The following SV2B variants were observed in gnomAD, a reference collection of about 807,000 sequenced individuals.
The protein encoded by SV2B is synaptic vesicle glycoprotein 2B, also known as solute carrier family 22 member B2.
SV2B carries 41 observed loss-of-function variants against 73.9 expected under a neutral mutation model. That is an observed-to-expected ratio of 0.56 (90% confidence interval 0.43 to 0.72). The LOEUF (loss-of-function observed/expected upper bound fraction) is 0.72. Ranked by LOEUF, SV2B falls within the 30% of genes least tolerant of loss-of-function variation. SV2B has a pLI of 0.00. For missense variants in SV2B, 764 were observed against 857.8 expected (o/e 0.89, Z 1.37); for synonymous variants, 314 against 314.2 (o/e 1.00, Z 0.01).
intron 4 of SV2B, among the ~76,000 whole-genome samples, chr15:91,255,024 A>G (rs1481426990): frequency 6.6e-6 from 1 of 152,170 alleles, no homozygotes; most frequent in African/African-American, 2.4e-5. Flanking sequence ...TTCCTTCCCC[A>G]TCCCTGGAGC....
In SV2B at chr15:91,289,672, C is replaced by A. The variant is rs777241371; in HGVS notation, c.1860C>A (p.Thr620=). 1.1e-5 allele frequency: 17 copies of A among 1,612,566 alleles called. No individual in the cohort carries two copies. The highest frequency in any genetic ancestry group is 1.4e-5 in the Non-Finnish European group (17 of 1,179,606). Residue 620 remains threonine (T), a synonymous_variant, in exon 12 of 13, where the codon ACC becomes ACA. Coordinates refer to ENST00000394232, the MANE Select transcript of SV2B (RefSeq NM_001323032.3). The surrounding 1 kb of genome is among the most constrained non-coding windows in gnomAD (Gnocchi z 4.9). ...LDVITVELYP[T]NQRATAFGIL... ...TGATCACAGTGGAGCTGTATCCCAC[C>A]AACCAGAGGTCAGTTCTTCCCCAGG...
intron 1 of SV2B, among the ~76,000 whole-genome samples, chr15:91,189,347 A>G (rs1447790149): frequency 6.6e-6 from 1 of 152,084 alleles, no homozygotes; most frequent in African/African-American, 2.4e-5. Flanking sequence ...ACTTATGTAT[A>G]CTCATAAAAT....
rs2046614273 is a variant in SV2B, at chr15:91,232,442, C to T, written c.451+5728C>T. Among the ~76,000 whole-genome samples, 2 of 152,126 alleles carry T rather than the reference C, an allele frequency of 1.3e-5. No homozygotes were observed. The highest frequency in any genetic ancestry group is 4.1e-4 in the South Asian group (2 of 4,822). ...GTGTTTAGGAGTGTGGAGTTGATTCCACCGGCAATGGAGAGCTGTTTAATG... is the reference window on the plus strand; with the variant it reads ...GTGTTTAGGAGTGTGGAGTTGATTCTACCGGCAATGGAGAGCTGTTTAATG... On this transcript the variant is annotated intron_variant, in intron 2 of 12. Transcript: ENST00000394232. This position sits in a 1 kb window ranked among gnomAD's most constrained non-coding sequence, Gnocchi z 4.7.
rs143566036 is a variant in SV2B, at chr15:91,236,895, G to T, written c.451+10181G>T. On this transcript the variant is annotated intron_variant, in intron 2 of 12. Transcript: ENST00000394232. This position sits in a 1 kb window ranked among gnomAD's most constrained non-coding sequence, Gnocchi z 4.1. Reference sequence around the variant, plus strand: ...TGAGCATCTCTCTCTATCTCCATACGATCTTTAAATGTGATCTTTCCAACA... The same window carrying T: ...TGAGCATCTCTCTCTATCTCCATACTATCTTTAAATGTGATCTTTCCAACA... 6.6e-6 allele frequency among the ~76,000 whole-genome samples: 1 copy of T among 151,910 alleles called. No homozygotes were observed. Among genetic ancestry groups the T allele is most frequent in the East Asian group, 1.9e-4 (1 of 5,170 alleles).
Position 91,293,143 on chromosome 15 carries a change from A to G in SV2B, c.*591A>G, listed in dbSNP as rs16945529. ...ATCTATAGAGATCTACTTTTCTCCT[A>G]TGTCTCCTAGGCTTTCCATGATAAT... On this transcript the variant is annotated 3_prime_UTR_variant, in exon 13 of 13. Transcript: ENST00000394232. 0.11 allele frequency: 16,065 copies of G among 152,272 alleles called. 1,125 individuals carry two copies. The highest frequency in any genetic ancestry group is 0.19 in the African/African-American group (8,086 of 41,506). 9.4% of individuals were successfully genotyped at this position (152,272 alleles called of 1,614,324 possible).
In SV2B at chr15:91,201,292, A is replaced by C. The variant is rs192072078; in HGVS notation, c.-391-24581A>C. On this transcript the variant is annotated intron_variant, in intron 1 of 12. Transcript: ENST00000394232. ...CTCATTGGAATTTTAAAATACTAAA[A>C]TGGTGCTGATTGCATGGGAGCCACT... 1.7e-4 allele frequency among the ~76,000 whole-genome samples: 26 copies of C among 152,308 alleles called. No individual in the cohort carries two copies. The East Asian group carries it at 3.5e-3, about 20-fold the overall frequency.
At chr15:91,269,129 G>T (rs973278723) in intron 9 of SV2B, among the ~76,000 whole-genome samples, 1 of 152,034 alleles carries the variant, frequency 6.6e-6, no homozygotes, top group Non-Finnish European at 1.5e-5. Flanking sequence ...AATCAGTGGA[G>T]GATTAGAAAA....
chr15:91,235,649 CT>C (rs1286360685), intron 2 of SV2B, among the ~76,000 whole-genome samples: 7 of 152,208 alleles, frequency 4.6e-5, no homozygotes, highest in African/African-American at 1.7e-4. Flanking sequence ...GAATGTGACA[CT>C]TTCCCCACTT....
chr15:91,163,767 A>C (rs950033160), intron 1 of SV2B, among the ~76,000 whole-genome samples: 1 of 152,154 alleles, frequency 6.6e-6, no homozygotes, highest in Non-Finnish European at 1.5e-5. Flanking sequence ...CTTTAGTTTA[A>C]TTAGATCCCA....
rs1389486448 is a variant in SV2B, at chr15:91,253,989, TTC to T, written c.784+1471_784+1472del. 5.9e-5 allele frequency among the ~76,000 whole-genome samples: 9 copies of T among 152,178 alleles called. No individual in the cohort carries two copies. Among genetic ancestry groups the T allele is most frequent in the African/African-American group, 1.7e-4 (7 of 41,436 alleles). The stretch of plus-strand genomic sequence containing the variant: ...AAGAGTTGAAGAGTTTTCCAGCCAA[TTC>T]TGTCATTCTAGTTCTCCATAATTTT... On this transcript the variant is annotated intron_variant, in intron 4 of 12. Coordinates refer to ENST00000394232, the MANE Select transcript of SV2B (RefSeq NM_001323032.3). This position sits in a 1 kb window ranked among gnomAD's most constrained non-coding sequence, Gnocchi z 5.0.
intron 1 of SV2B, among the ~76,000 whole-genome samples, chr15:91,164,759 C>T (rs2043849449): frequency 6.6e-6 from 1 of 152,142 alleles, no homozygotes; most frequent in South Asian, 2.1e-4. Context: ...TTTTATATTT[C>T]TATATAGATG....
rs962512617 is a variant in SV2B at position 91,232,497 on chromosome 15, G to T, written c.451+5783G>T. ...GCTATGAAATATGCCTTTGAGGAAG[G>T]AGGTGATAAGATGGGGCCTGTGGTT... On this transcript the variant is annotated intron_variant, in intron 2 of 12. Coordinates refer to ENST00000394232, the MANE Select transcript of SV2B (RefSeq NM_001323032.3). This position sits in a 1 kb window ranked among gnomAD's most constrained non-coding sequence, Gnocchi z 4.7. Among the ~76,000 whole-genome samples, 2 of 152,152 alleles carry T rather than the reference G, an allele frequency of 1.3e-5. No individual in the cohort carries two copies. The highest frequency in any genetic ancestry group is 4.8e-5 in the African/African-American group (2 of 41,434).
chr15:91,226,479 C>T lies in SV2B; in HGVS notation c.216C>T (p.Asp72=), dbSNP rs1483868993. ...KQAKMAPSRM[D]SLRGQTDLMA... ...CCAAGATGGCGCCCTCCAGAATGGA[C>T]AGCCTTCGGGGCCAGACAGACCTGA... Residue 72 remains aspartate, a synonymous_variant, in exon 2 of 13, where the codon GAC becomes GAT. Coordinates refer to ENST00000394232, the MANE Select transcript of SV2B (RefSeq NM_001323032.3). 6.2e-7 allele frequency: 1 copy of T among 1,614,198 alleles called. No homozygotes were observed. The highest frequency in any genetic ancestry group is 2.2e-5 in the East Asian group (1 of 44,858).
chr15:91,156,307 A>C (rs2043488298), intron 1 of SV2B, among the ~76,000 whole-genome samples: 1 of 152,216 alleles, frequency 6.6e-6, no homozygotes, highest in Non-Finnish European at 1.5e-5. Context: ...GTGTGACTCC[A>C]CGGACTTCTG....
rs535838755 is a variant in SV2B, at chr15:91,101,962, C to G, written c.-392+1599C>G. ...ACAAAGGCAGGGACTCTGGAAAATT[C>G]TGAGGGAGTTTCAGAGCAGATGAAC... is the stretch of plus-strand genomic sequence containing the variant. On this transcript the variant is annotated intron_variant, in intron 1 of 12. Coordinates refer to ENST00000394232, the MANE Select transcript of SV2B (RefSeq NM_001323032.3). The G allele has an allele frequency of 5.3e-5, 8 of 152,310 alleles. No homozygotes were observed. In the East Asian group the frequency reaches 1.5e-3, roughly 29 times the overall value. The allele number at this position is 152,310 out of a possible 1,614,324, so 9.4% of individuals were successfully genotyped here.
In SV2B at chr15:91,289,453, C is replaced by A; in HGVS notation, c.1709-68C>A. 5.0e-6 allele frequency: 8 copies of A among 1,603,624 alleles called. No homozygotes were observed. The highest frequency in any genetic ancestry group is 6.8e-6 in the Non-Finnish European group (8 of 1,171,656). On this transcript the variant is annotated intron_variant, in intron 11 of 12. Transcript: ENST00000394232. This position sits in a 1 kb window ranked among gnomAD's most constrained non-coding sequence, Gnocchi z 4.9. ...GTGAGGGTGGGAGATGGGGCAAGAA[C>A]TGTGAGTGACAGCCATGTGCAAGAC...
intron 1 of SV2B, among the ~76,000 whole-genome samples, chr15:91,200,956 C>T (rs551023144): frequency 6.6e-6 from 1 of 152,306 alleles, no homozygotes; most frequent in African/African-American, 2.4e-5. Flanking sequence ...AGCTATTCTC[C>T]ATCTCTTTGT....
In SV2B at chr15:91,294,428, C is replaced by T. The variant is rs2049150553; in HGVS notation, c.*1876C>T. On this transcript the variant is annotated 3_prime_UTR_variant, in exon 13 of 13. Transcript: ENST00000394232. The surrounding 1 kb of genome is among the most constrained non-coding windows in gnomAD (Gnocchi z 4.1). ...TACAGGGAGAGAAGACATATTGACT[C>T]TGACTGGACACCCTGATTCCTCCAA... 1.3e-5 allele frequency: 2 copies of T among 152,182 alleles called. No individual in the cohort carries two copies. The highest frequency in any genetic ancestry group is 4.8e-5 in the African/African-American group (2 of 41,428). The allele number at this position is 152,182 out of a possible 1,614,324, so 9.4% of individuals were successfully genotyped here. A position where few individuals can be genotyped will look rare whatever the true frequency, so the allele number is the denominator to read the frequency against.
At chr15:91,193,073 CAG>C (rs2045103583) in intron 1 of SV2B, among the ~76,000 whole-genome samples, 1 of 152,226 alleles carries the variant, frequency 6.6e-6, no homozygotes, top group Admixed American at 6.5e-5. Context: ...CCCTTCGACT[CAG>C]TTCAGCATTT....
Sources: gnomAD v4.1 joint callset for allele counts (sites outside exome capture counted in the v4.1 genomes callset) on GRCh38, gnomAD v4.1.1 for gene constraint, Gnocchi (gnomAD v3.1) non-coding constraint, MANE v1.5 for transcripts, NCBI Gene and HGNC (gene_info 2026-07-23, HGNC 2026-07-21) for gene names.